FBXO17: variants seen among roughly 807,000 people sequenced by gnomAD.
FBXO17 encodes the protein F-box only protein 17.
Under a neutral mutation model 34.1 loss-of-function variants are expected in FBXO17, and 43 were observed. That is an observed-to-expected ratio of 1.26 (90% CI 0.99 to 1.62). The LOEUF is 1.62. Among genes scored for constraint, FBXO17 ranks in the 40% most tolerant of loss-of-function variants. The pLI is 0.00. For missense variants in FBXO17, 424 were observed against 386.7 expected, an observed-to-expected ratio of 1.10 and a Z score of -0.81; for synonymous variants, 169 against 166.0, an observed-to-expected ratio of 1.02 and a Z score of -0.14.
intron 1 of FBXO17, among the ~76,000 whole-genome samples, chr19:38,956,883 AAAT>A (rs1352908332): frequency 6.6e-6 from 1 of 152,074 alleles, no homozygotes. Context: ...TAAATAAATA[AAAT>A]AGTTGCTGTC....
At chr19:38,969,964 C>A (rs1975371097) in intron 1 of FBXO17, among the ~76,000 whole-genome samples, 1 of 151,996 alleles carries the variant, frequency 6.6e-6, no homozygotes, top group African/African-American at 2.4e-5. Flanking sequence ...AACTCCACCC[C>A]AGAGCCAGAA....
At chr19:38,965,678 T>C (rs6508831) in intron 1 of FBXO17, among the ~76,000 whole-genome samples, 5,472 of 152,218 alleles carry the variant, frequency 0.036, 304 homozygotes, top group African/African-American at 0.12. Context: ...GGCTAATTTT[T>C]GTATTTTTAG....
intron 1 of FBXO17, among the ~76,000 whole-genome samples, chr19:38,969,438 CAAAA>C (rs771872488): frequency 1.4e-5 from 1 of 69,840 alleles, no homozygotes; most frequent in African/African-American, 5.5e-5. Flanking sequence ...ACTCCATCTC[CAAAA>C]AAAAAAAAAA....
chr19:38,972,894 G>T (rs1297728844), intron 1 of FBXO17, among the ~76,000 whole-genome samples: 2 of 152,028 alleles, frequency 1.3e-5, no homozygotes, highest in South Asian at 4.2e-4. Flanking sequence ...TAAGTAGCTG[G>T]GATTACAGGT....
intron 1 of FBXO17, among the ~76,000 whole-genome samples, chr19:38,954,577 T>TA (rs746406261): frequency 0.065 from 8,741 of 135,038 alleles, 418 homozygotes; most frequent in East Asian, 0.24. Context: ...GCCGAGAATG[T>TA]GTTTTTTTTT....
Position 38,965,351 on chromosome 19 carries a change from T to C in FBXO17, c.-18+10235A>G, listed in dbSNP as rs182053575. Among the ~76,000 whole-genome samples the C allele has an allele frequency of 3.5e-3, 527 of 149,884 alleles. 2 individuals carry two copies. The highest frequency in any genetic ancestry group is 0.013 in the African/African-American group (514 of 40,364). On this transcript the variant is annotated intron_variant, in intron 1 of 5. Transcript: ENST00000292852. Reference sequence around the variant, plus strand: ...TTTCTTTTCTTTTTTTTTTTTGAGATGGAGTCTCTCTCTGTCGCCCAGGCT... The same window carrying C: ...TTTCTTTTCTTTTTTTTTTTTGAGACGGAGTCTCTCTCTGTCGCCCAGGCT...
At chr19:38,953,356 G>A (rs530503508) in intron 1 of FBXO17, among the ~76,000 whole-genome samples, 1 of 151,204 alleles carries the variant, frequency 6.6e-6, no homozygotes, top group African/African-American at 2.4e-5. Context: ...AGCTAGAAGG[G>A]GAGGTGAAGT....
At chr19:38,970,127 A>G (rs1315974754) in intron 1 of FBXO17, among the ~76,000 whole-genome samples, 1 of 152,078 alleles carries the variant, frequency 6.6e-6, no homozygotes, top group Non-Finnish European at 1.5e-5. Context: ...TTGCAAATAC[A>G]AATATTATAA....
rs1026579584 is a variant in FBXO17, at chr19:38,954,578, GT to G, written c.-17-4243del. On this transcript the variant is annotated intron_variant, in intron 1 of 5. Coordinates refer to ENST00000292852, the MANE Select transcript of FBXO17 (RefSeq NM_024907.7). ...AGCCACTGCGCCGGGCCGAGAATGT[GT>G]TTTTTTTTTTTTTTTTTGAGACAGA... 2.5e-3 allele frequency among the ~76,000 whole-genome samples: 232 copies of G among 93,534 alleles called. 2 individuals are homozygous for G. Among genetic ancestry groups the G allele is most frequent in the African/African-American group, 5.6e-3 (137 of 24,560 alleles). The allele number at this position is 93,534 out of a possible 152,430, so 61.4% of individuals were successfully genotyped here. A position where few individuals can be genotyped will look rare whatever the true frequency, so the allele number is the denominator to read the frequency against.
chr19:38,941,867 G>GTTAGT lies in FBXO17; in HGVS notation c.*736_*740dup, dbSNP rs1974891727. ...ATTTCCCCAAACAGCAGATGACTTTGTTAGTCTCAAGGACAGACTGCCTCA... is the reference window on the plus strand; with the variant it reads ...ATTTCCCCAAACAGCAGATGACTTTGTTAGTTTAGTCTCAAGGACAGACTGCCTCA... On this transcript the variant is annotated 3_prime_UTR_variant, in exon 6 of 6. Transcript: ENST00000292852. The GTTAGT allele has an allele frequency of 6.6e-6, 1 of 152,178 alleles. No individual in the cohort carries two copies. The allele number at this position is 152,178 out of a possible 1,614,324, so 9.4% of individuals were successfully genotyped here. A position where few individuals can be genotyped will look rare whatever the true frequency, so the allele number is the denominator to read the frequency against.
chr19:38,946,650 T>G (rs1455792557), intron 3 of FBXO17, 83 bp from the exon 4 acceptor site: 9 of 1,561,784 alleles, frequency 5.8e-6, no homozygotes, highest in Admixed American at 1.9e-5. Flanking sequence ...CCAAGAAGTC[T>G]CCCTTGATAA....
rs1409858380 is a variant in FBXO17 at position 38,946,467 on chromosome 19, C to T, written c.557+5G>A. On this transcript the variant is annotated splice_donor_5th_base_variant and intron_variant, in intron 4 of 5. Transcript: ENST00000292852. Reference sequence around the variant, plus strand: ...CTCTGGGGCAGGGTGCCGCTCCTCACTCACCAGTCAGCCACACAGATCTCA... The same window carrying T: ...CTCTGGGGCAGGGTGCCGCTCCTCATTCACCAGTCAGCCACACAGATCTCA... The T allele has an allele frequency of 1.2e-6, 2 of 1,613,988 alleles. No homozygotes were observed. Among genetic ancestry groups the T allele is most frequent in the Non-Finnish European group, 1.7e-6 (2 of 1,179,886 alleles).
At chr19:38,953,711 T>C (rs957035192) in intron 1 of FBXO17, among the ~76,000 whole-genome samples, 4 of 151,848 alleles carry the variant, frequency 2.6e-5, no homozygotes, top group African/African-American at 9.7e-5. Context: ...TGTTTTGAGA[T>C]GGGAGACAGG....
chr19:38,965,334 C>CTT (rs11376869), intron 1 of FBXO17, among the ~76,000 whole-genome samples: 3,926 of 143,418 alleles, frequency 0.027, 193 homozygotes, highest in African/African-American at 0.095. Context: ...TTTTTCTTTT[C>CTT]TTTTTTTTTT....
intron 1 of FBXO17, among the ~76,000 whole-genome samples, chr19:38,951,417 C>T (rs997182685): frequency 1.3e-5 from 2 of 151,922 alleles, no homozygotes; most frequent in Non-Finnish European, 2.9e-5. Flanking sequence ...TCAAGTGATC[C>T]TCCTGCCTCA....
chr19:38,954,893 A>ATTT (rs1204632707), intron 1 of FBXO17, among the ~76,000 whole-genome samples: 1,408 of 94,404 alleles, frequency 0.015, 18 homozygotes, highest in African/African-American at 0.017. Flanking sequence ...ACAATGTGTT[A>ATTT]TTTTATTATT....
In FBXO17 at chr19:38,948,604, C is replaced by T. The variant is rs1975022925; in HGVS notation, c.424G>A (p.Gly142Arg). ...ACGAAGCAGGTCTGCGAAGGAGCCC[C>T]AGGCACCGGTGTTAGGTTCTTTTCT... ...AIEKNLTPVP[G>R]APSQTCFVTS... is the part of the protein sequence containing the mutation. The change falls in exon 3 of 6, where the codon GGG (glycine) becomes AGG (arginine). Residue 142 changes from glycine (G) to arginine (R), a missense_variant. Gly to Arg is a moderately radical substitution (Grantham distance 125). Transcript: ENST00000292852. 1 of 1,614,172 alleles carries T rather than the reference C, an allele frequency of 6.2e-7. No individual in the cohort carries two copies. Among genetic ancestry groups the T allele is most frequent in the Non-Finnish European group, 8.5e-7 (1 of 1,180,006 alleles).
At chr19:38,950,477 G>A in intron 1 of FBXO17, 141 bp from the exon 2 acceptor site, 1 of 1,204,456 alleles carries the variant, frequency 8.3e-7, no homozygotes. Context: ...TTCCCTCTCT[G>A]ATCCTAGGCC....
Position 38,942,482 on chromosome 19 carries a change from G to A in FBXO17, c.*126C>T. ...TCACTATGTTGCCCAGGCTGGTCTT[G>A]AACTCCCGAGCTCCAGTGATCCTCC... is the stretch of plus-strand genomic sequence containing the variant. On this transcript the variant is annotated 3_prime_UTR_variant, in exon 6 of 6. Coordinates refer to ENST00000292852, the MANE Select transcript of FBXO17 (RefSeq NM_024907.7). 9.5e-7 allele frequency: 1 copy of A among 1,049,736 alleles called. No homozygotes were observed. The allele number at this position is 1,049,736 out of a possible 1,614,324, so 65.0% of individuals were successfully genotyped here. A position where few individuals can be genotyped will look rare whatever the true frequency, so the allele number is the denominator to read the frequency against.
Sources: gnomAD v4.1 joint callset for allele counts (sites outside exome capture counted in the v4.1 genomes callset) on GRCh38, gnomAD v4.1.1 for gene constraint, MANE v1.5 for transcripts, NCBI Gene and HGNC (gene_info 2026-07-23, HGNC 2026-07-21) for gene names.